PRKN: variants seen among roughly 807,000 people sequenced by gnomAD.
The protein encoded by PRKN is E3 ubiquitin-protein ligase parkin.
Under a neutral mutation model 59.5 loss-of-function variants are expected in PRKN, and 56 were observed. The observed-to-expected ratio is 0.94, with a 90% confidence interval of 0.76 to 1.18. The LOEUF (loss-of-function observed/expected upper bound fraction) is 1.18, where lower values mean the gene tolerates loss of function less well. Ranked by LOEUF, PRKN falls within the 50% of genes most tolerant of loss-of-function variation. The pLI is 0.00. For synonymous variants in PRKN, 250 were observed against 222.1 expected (o/e 1.13, Z -1.12); for missense variants, 657 against 596.4 (o/e 1.10, Z -1.06).
chr6:162,212,912 T>A (rs1368885085), intron 3 of PRKN, among the ~76,000 whole-genome samples: 1 of 152,184 alleles, frequency 6.6e-6, no homozygotes, highest in East Asian at 1.9e-4. Context: ...AAAGGTAATG[T>A]GACATTATGA....
chr6:161,889,153 A>G (rs1050584290), intron 6 of PRKN, among the ~76,000 whole-genome samples: 3 of 152,336 alleles, frequency 2.0e-5, no homozygotes, highest in Admixed American at 6.5e-5. Flanking sequence ...AAAAAGACGA[A>G]GAACCCAACA....
chr6:161,500,464 T>C (rs994936036), intron 9 of PRKN, among the ~76,000 whole-genome samples: 4 of 152,194 alleles, frequency 2.6e-5, no homozygotes, highest in Non-Finnish European at 5.9e-5. Flanking sequence ...ATACTCATCC[T>C]TTCCTCCCCA....
At chr6:162,312,512 C>T (rs1282711166) in intron 2 of PRKN, among the ~76,000 whole-genome samples, 1 of 152,148 alleles carries the variant, frequency 6.6e-6, no homozygotes. Flanking sequence ...GGGCACAGGG[C>T]TGACCCAGGC....
At chr6:162,296,837 G>A (rs911154296) in intron 2 of PRKN, among the ~76,000 whole-genome samples, 8 of 152,052 alleles carry the variant, frequency 5.3e-5, no homozygotes, top group Admixed American at 3.3e-4. Flanking sequence ...GCTACCCAAG[G>A]ATTTACTGTT....
chr6:162,131,105 T>C (rs527882186), intron 4 of PRKN, among the ~76,000 whole-genome samples: 4 of 152,356 alleles, frequency 2.6e-5, no homozygotes, highest in African/African-American at 9.6e-5. Context: ...TCATTAATGA[T>C]GAGGCAATTC....
intron 2 of PRKN, among the ~76,000 whole-genome samples, chr6:162,339,282 G>C (rs1784028237): frequency 6.9e-6 from 1 of 145,798 alleles, no homozygotes; most frequent in Non-Finnish European, 1.5e-5. Flanking sequence ...CCCCGTCCGG[G>C]AGGGAGGTGG....
chr6:161,645,973 GTC>G (rs1783918945), intron 7 of PRKN, among the ~76,000 whole-genome samples: 3 of 138,054 alleles, frequency 2.2e-5, no homozygotes, highest in Non-Finnish European at 3.3e-5. Flanking sequence ...AGTGACAGTG[GTC>G]ACTGCGTGTG....
rs528868907 is a variant in PRKN, at chr6:162,011,784, C to G, written c.619-38367G>C. On this transcript the variant is annotated intron_variant, in intron 5 of 11. Transcript: ENST00000366898. ...TTTACAAAGTTCTGGGTATTCTAAC[C>G]ATAAGAAATAACTGAAAGTGCATAA... is the stretch of plus-strand genomic sequence containing the variant. Among the ~76,000 whole-genome samples the G allele has an allele frequency of 1.4e-4, 21 of 151,224 alleles. No homozygotes were observed. In the South Asian group the frequency reaches 4.0e-3, roughly 29 times the overall value.
chr6:162,454,261 C>T (rs1429910660), intron 1 of PRKN, among the ~76,000 whole-genome samples: 1 of 152,122 alleles, frequency 6.6e-6, no homozygotes, highest in Non-Finnish European at 1.5e-5. Context: ...TAAAAATGTA[C>T]CATTTATTTT....
intron 5 of PRKN, among the ~76,000 whole-genome samples, chr6:162,019,631 A>G (rs560762580): frequency 6.6e-6 from 1 of 152,312 alleles, no homozygotes; most frequent in African/African-American, 2.4e-5. Flanking sequence ...CATGCCAAAG[A>G]ACACTTGGGG....
chr6:162,561,260 T>C (rs1036053402), intron 1 of PRKN, among the ~76,000 whole-genome samples: 4 of 152,272 alleles, frequency 2.6e-5, no homozygotes, highest in Admixed American at 2.6e-4. Flanking sequence ...AGCACAGGAA[T>C]GCCATGGTCA....
chr6:162,123,766 T>C (rs1781014194), intron 4 of PRKN, among the ~76,000 whole-genome samples: 1 of 152,194 alleles, frequency 6.6e-6, no homozygotes, highest in Non-Finnish European at 1.5e-5. Context: ...TCTGAAAAGA[T>C]ATGGTCAGTG....
intron 2 of PRKN, among the ~76,000 whole-genome samples, chr6:162,280,701 G>T (rs1780852024): frequency 7.0e-6 from 1 of 143,328 alleles, no homozygotes; most frequent in Admixed American, 7.5e-5. Flanking sequence ...TGAGGGAGGA[G>T]AACTGCTTGA....
In PRKN at chr6:161,497,404, GA is replaced by G. The variant is rs964465620; in HGVS notation, c.1083+51449del. Reference sequence around the variant, plus strand: ...CCTCTGGCAAAGGTTATCCTTTAAAGAAAAAAAAGTTCTTGCTCCTCTGTCT... The same window carrying G: ...CCTCTGGCAAAGGTTATCCTTTAAAGAAAAAAAGTTCTTGCTCCTCTGTCT... On this transcript the variant is annotated intron_variant, in intron 9 of 11. Coordinates refer to ENST00000366898, the MANE Select transcript of PRKN (RefSeq NM_004562.3). The surrounding 1 kb of genome is among the most constrained non-coding windows in gnomAD (Gnocchi z 4.6). Among the ~76,000 whole-genome samples, 6 of 151,902 alleles carry G rather than the reference GA, an allele frequency of 3.9e-5. No individual in the cohort carries two copies. In the South Asian group the frequency reaches 8.3e-4, roughly 21 times the overall value.
At chr6:162,244,035 T>A (rs1583257232) in intron 3 of PRKN, among the ~76,000 whole-genome samples, 1 of 152,136 alleles carries the variant, frequency 6.6e-6, no homozygotes, top group Non-Finnish European at 1.5e-5. Flanking sequence ...ACAGTTGCTC[T>A]TTAGAAACAC....
chr6:161,517,478 C>T (rs145144122), intron 9 of PRKN, among the ~76,000 whole-genome samples: 1,605 of 152,104 alleles, frequency 0.011, 44 homozygotes, highest in African/African-American at 0.037. Flanking sequence ...TGGTGGCTCA[C>T]ACCTGTAATC....
intron 7 of PRKN, among the ~76,000 whole-genome samples, chr6:161,704,740 ACTGTATCCCTTTCT>A (rs1305244907): frequency 2.6e-4 from 39 of 152,106 alleles, no homozygotes; most frequent in Admixed American, 8.5e-4. Flanking sequence ...TGACTTCCCG[ACTGTATCCCTTTCT>A]CTGTATCCAA....
chr6:162,173,578 G>T (rs1483369655), intron 4 of PRKN, among the ~76,000 whole-genome samples: 3 of 148,430 alleles, frequency 2.0e-5, no homozygotes, highest in Non-Finnish European at 3.0e-5. Flanking sequence ...TCACTAAATT[G>T]CTTTGTCATG....
chr6:162,727,334 G>GGCGCCGGT, intron 1 of PRKN: 1 of 403,926 alleles, frequency 2.5e-6, no homozygotes, highest in Non-Finnish European at 4.4e-6. Flanking sequence ...GCGGCGGCGG[G>GGCGCCGGT]GAGAAGGCTT....
Sources: allele counts gnomAD v4.1 joint callset (sites outside exome capture counted in the v4.1 genomes callset), GRCh38; gene constraint gnomAD v4.1.1; non-coding constraint Gnocchi (gnomAD v3.1); transcripts MANE v1.5; gene names NCBI Gene and HGNC (gene_info 2026-07-23, HGNC 2026-07-21).